Variants in CSMD1 observed in about 807,000 individuals in gnomAD.
CSMD1 encodes the protein CUB and sushi domain-containing protein 1.
CSMD1 carries 213 observed loss-of-function variants against 417.5 expected under a neutral mutation model. The observed-to-expected ratio is 0.51, with a 90% CI of 0.46 to 0.57. The LOEUF (loss-of-function observed/expected upper bound fraction) is 0.57, where lower values mean the gene tolerates loss of function less well. Among genes scored for constraint, CSMD1 ranks in the 20% least tolerant of loss-of-function variants. CSMD1 has a pLI of 0.00. For synonymous variants in CSMD1, 2,862 were observed against 1,736.8 expected (o/e 1.65, Z -16.11); for missense variants, 6,923 against 4,529.7 (o/e 1.53, Z -15.17).
chr8:3,826,076 C>T (rs1463446049), intron 5 of CSMD1, among the ~76,000 whole-genome samples: 1 of 152,088 alleles, frequency 6.6e-6, no homozygotes, highest in Non-Finnish European at 1.5e-5. Flanking sequence ...TTTGTAACAC[C>T]CAAGCTATAC....
intron 1 of CSMD1, among the ~76,000 whole-genome samples, chr8:4,992,849 T>G (rs568258657): frequency 6.6e-6 from 1 of 152,096 alleles, no homozygotes; most frequent in East Asian, 1.9e-4. Context: ...CGAGCTTGGG[T>G]GACTAAGACC....
At chr8:2,958,940 GA>G (rs1238001412) in intron 62 of CSMD1, among the ~76,000 whole-genome samples, 1 of 152,182 alleles carries the variant, frequency 6.6e-6, no homozygotes, top group African/African-American at 2.4e-5. Flanking sequence ...AGTGTGAAAG[GA>G]TATCAGGAGA....
At chr8:3,043,014 C>T (rs185957433) in intron 50 of CSMD1, among the ~76,000 whole-genome samples, 1 of 149,842 alleles carries the variant, frequency 6.7e-6, no homozygotes, top group East Asian at 2.0e-4. Flanking sequence ...TTTCTATGAC[C>T]TATAAATACT....
intron 2 of CSMD1, among the ~76,000 whole-genome samples, chr8:4,514,456 T>G (rs1469993171): frequency 6.6e-6 from 1 of 152,164 alleles, no homozygotes. Flanking sequence ...TATGCATTTT[T>G]AAGTAGCATC....
At chr8:4,943,268 G>C (rs546167060) in intron 1 of CSMD1, among the ~76,000 whole-genome samples, 4 of 152,046 alleles carry the variant, frequency 2.6e-5, no homozygotes, top group Admixed American at 2.6e-4. Context: ...GGCCCAGGCG[G>C]GCAGATCACG....
chr8:3,344,060 T>C (rs13254900), intron 22 of CSMD1, among the ~76,000 whole-genome samples: 17,666 of 152,138 alleles, frequency 0.12, 1,436 homozygotes, highest in African/African-American at 0.23. Context: ...TGTGGCATTA[T>C]CTTCCCAAGC....
At chr8:3,208,724 A>G (rs1797440398) in intron 30 of CSMD1, among the ~76,000 whole-genome samples, 1 of 152,144 alleles carries the variant, frequency 6.6e-6, no homozygotes, top group Non-Finnish European at 1.5e-5. Flanking sequence ...GGTGGGCACC[A>G]TCTAATAAAC....
At chr8:4,607,359 T>C (rs1298962769) in intron 2 of CSMD1, among the ~76,000 whole-genome samples, 2 of 152,152 alleles carry the variant, frequency 1.3e-5, no homozygotes, top group Non-Finnish European at 2.9e-5. Flanking sequence ...CTATTGATTC[T>C]GAGACAGGAA....
chr8:4,302,864 A>G (rs1798051782), intron 3 of CSMD1, among the ~76,000 whole-genome samples: 1 of 152,156 alleles, frequency 6.6e-6, no homozygotes, highest in Non-Finnish European at 1.5e-5. Context: ...AGGCAGGACC[A>G]GCAGTTTAAA....
intron 2 of CSMD1, among the ~76,000 whole-genome samples, chr8:4,431,075 T>C (rs376334221): frequency 6.6e-6 from 1 of 152,166 alleles, no homozygotes; most frequent in Non-Finnish European, 1.5e-5. Flanking sequence ...TTTTCTTCTA[T>C]GATCATTAGT....
chr8:3,243,094 G>A (rs112363101), intron 26 of CSMD1, among the ~76,000 whole-genome samples: 5,509 of 152,256 alleles, frequency 0.036, 142 homozygotes, highest in Middle Eastern at 0.058. Context: ...AGAGATTGAA[G>A]GGTGGCGACA....
intron 25 of CSMD1, among the ~76,000 whole-genome samples, chr8:3,296,647 G>T (rs1220046653): frequency 6.6e-6 from 1 of 152,106 alleles, no homozygotes; most frequent in Non-Finnish European, 1.5e-5. Context: ...AGCTGAATAT[G>T]GAGGTACCCA....
intron 43 of CSMD1, among the ~76,000 whole-genome samples, chr8:3,109,505 G>C (rs542879510): frequency 6.6e-6 from 1 of 152,010 alleles, no homozygotes; most frequent in Non-Finnish European, 1.5e-5. Context: ...CAACCTCAAA[G>C]CCAGTCTCCT....
rs536865098 is a variant in CSMD1 at position 3,370,386 on chromosome 8, T to C, written c.2783-1016A>G. Among the ~76,000 whole-genome samples the C allele has an allele frequency of 4.6e-5, 7 of 152,336 alleles. No individual in the cohort carries two copies. In the South Asian group the frequency reaches 1.2e-3, roughly 27 times the overall value. On this transcript the variant is annotated intron_variant, in intron 18 of 69. Coordinates refer to ENST00000635120, the MANE Select transcript of CSMD1 (RefSeq NM_033225.6). ...AACAAACAGCCATGTGCTCCGGGTC[T>C]TGCTCTTCTCCTGGAACCTCTCCAC... is the stretch of plus-strand genomic sequence containing the variant.
chr8:4,049,917 A>AT (rs1467389722), intron 3 of CSMD1, among the ~76,000 whole-genome samples: 6 of 27,012 alleles, frequency 2.2e-4, no homozygotes, highest in East Asian at 8.5e-3. Context: ...TCAGGAATCC[A>AT]TTCGGATACC....
chr8:4,637,368 C>A lies in CSMD1; in HGVS notation c.276G>T (p.Gln92His). 1 of 1,613,864 alleles carries A rather than the reference C, an allele frequency of 6.2e-7. No individual in the cohort carries two copies. The highest frequency in any genetic ancestry group is 8.5e-7 in the Non-Finnish European group (1 of 1,179,758). ...DFDILSVYDG[Q>H]PQQGNLKVRL... is the part of the protein sequence containing the mutation. ...TCACTTTTAAATTCCCTTGTTGAGG[C>A]TGTCCATCGTAAACTGATAAAATAT... Residue 92 changes from glutamine (Q) to histidine (H), a missense_variant, in exon 2 of 70, where the codon CAG (glutamine) becomes CAT (histidine). Physicochemically the swap from Gln to His is conservative, Grantham distance 24. Coordinates refer to ENST00000635120, the MANE Select transcript of CSMD1 (RefSeq NM_033225.6).
chr8:3,811,311 A>G (rs1216671437), intron 5 of CSMD1, among the ~76,000 whole-genome samples: 1 of 152,214 alleles, frequency 6.6e-6, no homozygotes. Flanking sequence ...AACCTGCTAT[A>G]ACCTTCACAC....
At chr8:3,906,876 C>A (rs770902695) in intron 5 of CSMD1, among the ~76,000 whole-genome samples, 3 of 152,044 alleles carry the variant, frequency 2.0e-5, no homozygotes, top group African/African-American at 7.2e-5. Context: ...AGTATTAGTA[C>A]CAAGTCTTTC....
intron 10 of CSMD1, among the ~76,000 whole-genome samples, chr8:3,570,667 G>A (rs1038298116): frequency 3.3e-5 from 5 of 152,096 alleles, no homozygotes; most frequent in Admixed American, 6.6e-5. Flanking sequence ...CTAAAATAAG[G>A]TATCCCCCAA....
Sources: allele counts gnomAD v4.1 joint callset (sites outside exome capture counted in the v4.1 genomes callset), GRCh38; gene constraint gnomAD v4.1.1; transcripts MANE v1.5; gene names NCBI Gene and HGNC (gene_info 2026-07-23, HGNC 2026-07-21).